Variants in ZFHX3 observed in about 807,000 individuals in gnomAD.
The protein encoded by ZFHX3 is zinc finger homeobox 3.
Under a neutral mutation model 279.1 loss-of-function variants are expected in ZFHX3, and 42 were observed. The ratio of observed to expected loss-of-function variants is 0.15; its 90% CI spans 0.12 to 0.19. The LOEUF (loss-of-function observed/expected upper bound fraction) is 0.19. Among genes scored for constraint, ZFHX3 ranks in the 10% least tolerant of loss-of-function variants. The probability of loss-of-function intolerance (pLI) is 1.00; values close to 1 mark genes in which losing one functional copy is unlikely to be tolerated. For synonymous variants in ZFHX3, 2,293 were observed against 1,957.8 expected (o/e 1.17, Z -4.52); for missense variants, 4,981 against 4,754.0 (o/e 1.05, Z -1.40).
At chr16:73,153,046 G>C (rs1035837649) in intron 5 of ZFHX3, among the ~76,000 whole-genome samples, 4 of 152,096 alleles carry the variant, frequency 2.6e-5, no homozygotes, top group African/African-American at 9.7e-5. Flanking sequence ...CAGCTGGGTT[G>C]TCAGATTTTA....
chr16:73,759,073 A>G (rs1304708600), intron 1 of ZFHX3, among the ~76,000 whole-genome samples: 1 of 152,248 alleles, frequency 6.6e-6, no homozygotes, highest in Non-Finnish European at 1.5e-5. Flanking sequence ...TTAAGCTGGT[A>G]TATTTGTTAT....
intron 5 of ZFHX3, among the ~76,000 whole-genome samples, chr16:72,816,141 T>TTA (rs3834962): frequency 0.045 from 6,875 of 152,260 alleles, 705 homozygotes; most frequent in East Asian, 0.29. Flanking sequence ...ATGGAACACT[T>TTA]TAAGTTTTTC....
At chr16:73,072,399 G>A (rs904081280) in intron 8 of ZFHX3, among the ~76,000 whole-genome samples, 9 of 149,546 alleles carry the variant, frequency 6.0e-5, no homozygotes, top group East Asian at 5.9e-4. Flanking sequence ...AGCCGAGATC[G>A]TGCCATTGCA....
At chr16:73,781,531 G>T (rs943274812) in intron 1 of ZFHX3, among the ~76,000 whole-genome samples, 1 of 152,138 alleles carries the variant, frequency 6.6e-6, no homozygotes, top group African/African-American at 2.4e-5. Flanking sequence ...ACACTACAGT[G>T]GCAGAATTGA....
At chr16:73,726,035 G>C (rs1257534012) in intron 1 of ZFHX3, among the ~76,000 whole-genome samples, 1 of 152,194 alleles carries the variant, frequency 6.6e-6, no homozygotes. Flanking sequence ...AGCTCCATGT[G>C]ACAGGACCAA....
intron 3 of ZFHX3, among the ~76,000 whole-genome samples, chr16:73,363,144 C>T (rs1270181591): frequency 6.6e-6 from 1 of 152,192 alleles, no homozygotes; most frequent in Non-Finnish European, 1.5e-5. Flanking sequence ...GGCTGATGGT[C>T]AGCCAGTCCC....
At chr16:73,701,152 C>A (rs903312165) in intron 1 of ZFHX3, among the ~76,000 whole-genome samples, 4 of 152,134 alleles carry the variant, frequency 2.6e-5, no homozygotes, top group African/African-American at 9.7e-5. Flanking sequence ...TACCAGAGGT[C>A]CACCTTCATG....
chr16:73,849,939 G>A (rs1961553548), intron 1 of ZFHX3, among the ~76,000 whole-genome samples: 1 of 152,116 alleles, frequency 6.6e-6, no homozygotes, highest in South Asian at 2.1e-4. Context: ...CACCATGTTG[G>A]TCAGGCTCGT....
intron 1 of ZFHX3, among the ~76,000 whole-genome samples, chr16:73,861,375 G>A (rs1481872473): frequency 6.6e-6 from 1 of 152,044 alleles, no homozygotes; most frequent in Non-Finnish European, 1.5e-5. Context: ...CAAAGCCAGA[G>A]GGAAAAATGA....
intron 3 of ZFHX3, among the ~76,000 whole-genome samples, chr16:73,450,541 T>C (rs541325651): frequency 6.6e-6 from 1 of 152,370 alleles, no homozygotes; most frequent in South Asian, 2.1e-4. Flanking sequence ...TTTTCATAAT[T>C]TTGCTTATGG....
intron 1 of ZFHX3, among the ~76,000 whole-genome samples, chr16:72,975,528 T>C (rs1188330600): frequency 5.9e-5 from 9 of 152,198 alleles, no homozygotes; most frequent in African/African-American, 2.2e-4. Context: ...TGTCCCCTTC[T>C]TCATGGCCCC....
intron 5 of ZFHX3, among the ~76,000 whole-genome samples, chr16:73,237,172 T>C (rs1410964464): frequency 1.3e-5 from 2 of 152,208 alleles, no homozygotes; most frequent in East Asian, 3.8e-4. Context: ...TGGGTCTTAA[T>C]CTGGTGCCAT....
At chr16:73,181,069 GTTTT>G (rs1328692423) in intron 5 of ZFHX3, among the ~76,000 whole-genome samples, 1 of 118,058 alleles carries the variant, frequency 8.5e-6, no homozygotes, top group African/African-American at 4.0e-5. Flanking sequence ...GCTGCAGCTA[GTTTT>G]TTTGTTTGTT....
At chr16:73,463,201 T>A (rs1270862257) in intron 2 of ZFHX3, among the ~76,000 whole-genome samples, 1 of 152,216 alleles carries the variant, frequency 6.6e-6, no homozygotes, top group Admixed American at 6.5e-5. Flanking sequence ...ATAGTTAACA[T>A]TTACTAAGTA....
chr16:73,471,553 C>T (rs896417059), intron 2 of ZFHX3, among the ~76,000 whole-genome samples: 4 of 152,124 alleles, frequency 2.6e-5, no homozygotes, highest in Admixed American at 2.0e-4. Flanking sequence ...GGATTACAGG[C>T]GTGAGCCACT....
At chr16:73,420,883 T>C (rs1027216536) in intron 3 of ZFHX3, 2 of 152,242 alleles carry the variant, frequency 1.3e-5, no homozygotes, top group Admixed American at 6.5e-5. Flanking sequence ...TCAGATTTAA[T>C]GCCAGCAACT....
At chr16:73,418,742 C>A (rs200992250) in intron 3 of ZFHX3, among the ~76,000 whole-genome samples, 1 of 152,302 alleles carries the variant, frequency 6.6e-6, no homozygotes, top group Non-Finnish European at 1.5e-5. Flanking sequence ...GTGGCTGTTT[C>A]CTTACAGAAT....
chr16:73,636,607 T>C (rs908042851), intron 2 of ZFHX3, among the ~76,000 whole-genome samples: 2 of 152,178 alleles, frequency 1.3e-5, no homozygotes, highest in Non-Finnish European at 2.9e-5. Flanking sequence ...AGCTTTTCTA[T>C]ATATTAGCAA....
chr16:73,286,953 T>C (rs1285556315), intron 4 of ZFHX3, among the ~76,000 whole-genome samples: 2 of 148,582 alleles, frequency 1.3e-5, no homozygotes, highest in Non-Finnish European at 3.0e-5. Flanking sequence ...TGTGGGCCAG[T>C]GTGTGGCTGT....
Sources: allele counts gnomAD v4.1 joint callset (sites outside exome capture counted in the v4.1 genomes callset), GRCh38; gene constraint gnomAD v4.1.1; transcripts MANE v1.5; gene names NCBI Gene and HGNC (gene_info 2026-07-23, HGNC 2026-07-21).